The following TMEM107 variants were observed in gnomAD, a reference collection of about 807,000 sequenced individuals.
The protein encoded by TMEM107 is transmembrane protein 107.
A neutral mutation model predicts 16.8 loss-of-function variants in TMEM107; 18 were observed. That is an observed-to-expected ratio of 1.07 (90% CI 0.74 to 1.59). The LOEUF is 1.59. Among genes scored for constraint, TMEM107 ranks in the 40% most tolerant of loss-of-function variants. The pLI, the probability that TMEM107 is intolerant of heterozygous loss-of-function variation, is 0.00. For missense variants in TMEM107, 152 were observed against 175.4 expected, an observed-to-expected ratio of 0.87 and a Z score of 0.75; for synonymous variants, 68 against 71.6, an observed-to-expected ratio of 0.95 and a Z score of 0.25.
Position 8,172,884 on chromosome 17 carries a change from G to C in TMEM107, c.*1319C>G, listed in dbSNP as rs1043174809. Among the ~76,000 whole-genome samples, 9 of 131,718 alleles carry C rather than the reference G, an allele frequency of 6.8e-5. No homozygotes were observed. Among genetic ancestry groups the C allele is most frequent in the East Asian group, 2.0e-4 (1 of 4,958 alleles). The allele number at this position is 131,718 out of a possible 152,430, so 86.4% of individuals were successfully genotyped here. On this transcript the variant is annotated 3_prime_UTR_variant, in exon 5 of 5. Transcript: ENST00000437139. ...AAAAAAAAAAAAAAAAACCAAAAGAGGGGGGTGGTCAACATACCATATGCT... is the reference window on the plus strand; with the variant it reads ...AAAAAAAAAAAAAAAAACCAAAAGACGGGGGTGGTCAACATACCATATGCT...
rs56346215 is a variant in TMEM107, at chr17:8,173,599, A to C, written c.*604T>G. ...ATCCCACCTGACGATACAGACAAAC[A>C]GCCGACATTCTGCACTCAGTGAAAA... is the stretch of plus-strand genomic sequence containing the variant. On this transcript the variant is annotated 3_prime_UTR_variant, in exon 5 of 5. Coordinates refer to ENST00000437139, the MANE Select transcript of TMEM107 (RefSeq NM_183065.4). The C allele has an allele frequency of 0.18, 136,630 of 758,858 alleles. 14,484 individuals carry two copies. The highest frequency in any genetic ancestry group is 0.23 in the Non-Finnish European group (95,873 of 413,554). 47.0% of individuals were successfully genotyped at this position (758,858 alleles called of 1,614,324 possible). A position where few individuals can be genotyped will look rare whatever the true frequency, so the allele number is the denominator to read the frequency against.
rs1983742728 is a variant in TMEM107, at chr17:8,173,373, TATCCC to T, written c.*825_*829del. 1 of 667,758 alleles carries T rather than the reference TATCCC, an allele frequency of 1.5e-6. No homozygotes were observed. Among genetic ancestry groups the T allele is most frequent in the Admixed American group, 1.9e-5 (1 of 51,524 alleles). The allele number at this position is 667,758 out of a possible 1,614,324, so 41.4% of individuals were successfully genotyped here. A position where few individuals can be genotyped will look rare whatever the true frequency, so the allele number is the denominator to read the frequency against. On this transcript the variant is annotated 3_prime_UTR_variant, in exon 5 of 5. Transcript: ENST00000437139. ...CTGCAAAATAGACAAACAGCAAGGT[TATCCC>T]AGTCAGAACTTCATAGCTATGTTTG...
rs117057308 is a variant in TMEM107 at position 8,173,555 on chromosome 17, G to T, written c.*648C>A. 8 of 765,362 alleles carry T rather than the reference G, an allele frequency of 1.0e-5. No individual in the cohort carries two copies. Among genetic ancestry groups the T allele is most frequent in the Admixed American group, 5.1e-5 (3 of 59,018 alleles). 47.4% of individuals were successfully genotyped at this position (765,362 alleles called of 1,614,324 possible). On this transcript the variant is annotated 3_prime_UTR_variant, in exon 5 of 5. Transcript: ENST00000437139. ...ATCATGTTCTAATCTGCCCTCCGGA[G>T]GAGGAACAGGTAAGGATTATCCCAC...
chr17:8,175,794 T>C lies in TMEM107; in HGVS notation c.219A>G (p.Ser73=). 1 of 1,614,090 alleles carries C rather than the reference T, an allele frequency of 6.2e-7. No homozygotes were observed. Among genetic ancestry groups the C allele is most frequent in the South Asian group, 1.1e-5 (1 of 91,086 alleles). The change falls in exon 3 of 5, where the codon TCA becomes TCG. Residue 73 remains serine, a synonymous_variant. Coordinates refer to ENST00000437139, the MANE Select transcript of TMEM107 (RefSeq NM_183065.4). ...GGGTGCTGTTGAACATGGAGACTCC[T>C]GAGAGGAAACCGGCCAGCTCCACTG... ...LFAVELAGFL[S]GVSMFNSTQS...
chr17:8,173,359 A>G lies in TMEM107; in HGVS notation c.*844T>C, dbSNP rs1471833542. 2.9e-5 allele frequency: 18 copies of G among 616,452 alleles called. No homozygotes were observed. Among genetic ancestry groups the G allele is most frequent in the South Asian group, 6.0e-5 (3 of 50,392 alleles). 38.2% of individuals were successfully genotyped at this position (616,452 alleles called of 1,614,324 possible). A position where few individuals can be genotyped will look rare whatever the true frequency, so the allele number is the denominator to read the frequency against. On this transcript the variant is annotated 3_prime_UTR_variant, in exon 5 of 5. Transcript: ENST00000437139. ...CAGCAATAGCAAGACTGCAAAATAG[A>G]CAAACAGCAAGGTTATCCCAGTCAG...
rs1434097296 is a variant in TMEM107, at chr17:8,176,373, A to C, written c.-87T>G. Reference sequence around the variant, plus strand: ...AGTCTCCCCGCAAGCCGACAAATCTAGACGAACGCCTCCTTCCCGCCCGCT... The same window carrying C: ...AGTCTCCCCGCAAGCCGACAAATCTCGACGAACGCCTCCTTCCCGCCCGCT... On this transcript the variant is annotated 5_prime_UTR_variant, in exon 1 of 5. Coordinates refer to ENST00000437139, the MANE Select transcript of TMEM107 (RefSeq NM_183065.4). The C allele has an allele frequency of 9.2e-7, 1 of 1,089,874 alleles. No homozygotes were observed. The highest frequency in any genetic ancestry group is 1.6e-5 in the African/African-American group (1 of 63,180). 67.5% of individuals were successfully genotyped at this position (1,089,874 alleles called of 1,614,324 possible).
intron 1 of TMEM107, 64 bp downstream of exon 1, chr17:8,176,136 G>C: frequency 6.3e-7 from 1 of 1,599,934 alleles, no homozygotes; most frequent in South Asian, 1.1e-5. Context: ...GGAGGGGGCA[G>C]GGTAGGACTA....
intron 1 of TMEM107, 86 bp downstream of exon 1, chr17:8,176,114 G>A (rs771520664): frequency 1.2e-6 from 2 of 1,603,268 alleles, no homozygotes; most frequent in East Asian, 4.5e-5. Flanking sequence ...AACCCAAGAG[G>A]GTAAGACACT....
Position 8,172,726 on chromosome 17 carries a change from C to CT in TMEM107, c.*1476dup, listed in dbSNP as rs955036495. Reference sequence around the variant, plus strand: ...AACAACCAGGTGTGGTGGTGCTCACCTGTAGTCCCAGCTACTTGGGAGGCT... The same window carrying CT: ...AACAACCAGGTGTGGTGGTGCTCACCTTGTAGTCCCAGCTACTTGGGAGGCT... On this transcript the variant is annotated 3_prime_UTR_variant, in exon 5 of 5. Coordinates refer to ENST00000437139, the MANE Select transcript of TMEM107 (RefSeq NM_183065.4). Among the ~76,000 whole-genome samples, 1 of 151,780 alleles carries CT rather than the reference C, an allele frequency of 6.6e-6. No individual in the cohort carries two copies. Among genetic ancestry groups the CT allele is most frequent in the African/African-American group, 2.4e-5 (1 of 41,316 alleles).
chr17:8,172,458 T>C lies in TMEM107; in HGVS notation c.*1745A>G. 6.6e-6 allele frequency among the ~76,000 whole-genome samples: 1 copy of C among 151,878 alleles called. No homozygotes were observed. Among genetic ancestry groups the C allele is most frequent in the East Asian group, 1.9e-4 (1 of 5,180 alleles). Reference sequence around the variant, plus strand: ...CTGCAGGTACTCAATAAGTATTTATTGAATTAATGTAAGAAGGAACAACCA... The same window carrying C: ...CTGCAGGTACTCAATAAGTATTTATCGAATTAATGTAAGAAGGAACAACCA... On this transcript the variant is annotated 3_prime_UTR_variant, in exon 5 of 5. Coordinates refer to ENST00000437139, the MANE Select transcript of TMEM107 (RefSeq NM_183065.4).
rs563019939 is a variant in TMEM107, at chr17:8,173,542, T to G, written c.*661A>C. Reference sequence around the variant, plus strand: ...TGCATCTCCAATCATCATGTTCTAATCTGCCCTCCGGAGGAGGAACAGGTA... The same window carrying G: ...TGCATCTCCAATCATCATGTTCTAAGCTGCCCTCCGGAGGAGGAACAGGTA... On this transcript the variant is annotated 3_prime_UTR_variant, in exon 5 of 5. Coordinates refer to ENST00000437139, the MANE Select transcript of TMEM107 (RefSeq NM_183065.4). The G allele has an allele frequency of 1.8e-5, 14 of 765,314 alleles. No individual in the cohort carries two copies. Among genetic ancestry groups the G allele is most frequent in the South Asian group, 1.2e-4 (9 of 74,622 alleles). The allele number at this position is 765,314 out of a possible 1,614,324, so 47.4% of individuals were successfully genotyped here. A position where few individuals can be genotyped will look rare whatever the true frequency, so the allele number is the denominator to read the frequency against.
In TMEM107 at chr17:8,174,164, C is replaced by CCTA. The variant is rs1251746358; in HGVS notation, c.*38_*39insTAG. 1 of 1,592,990 alleles carries CCTA rather than the reference C, an allele frequency of 6.3e-7. No homozygotes were observed. ...CCAGGAATACGAAGCGGCCCTTGCC[C>CCTA]CTGTAGGCTTCGTCCTTAGGTTCCC... On this transcript the variant is annotated 3_prime_UTR_variant, in exon 5 of 5. Coordinates refer to ENST00000437139, the MANE Select transcript of TMEM107 (RefSeq NM_183065.4).
intron 4 of TMEM107, 48 bp downstream of exon 4, chr17:8,174,472 T>G (rs550095591): frequency 6.3e-7 from 1 of 1,580,624 alleles, no homozygotes; most frequent in South Asian, 1.1e-5. Context: ...CCTTCAGGTT[T>G]AGGGCCAACC....
At chr17:8,174,882 T>C (rs757765419) in intron 3 of TMEM107, 13 of 455,176 alleles carry the variant, frequency 2.9e-5, no homozygotes, top group Non-Finnish European at 5.2e-5. Flanking sequence ...GAGGTAAGAG[T>C]AGGCTCTCCT....
At position 8,173,501 on chromosome 17, in the gene TMEM107, C is replaced by A. The variant is rs750367625; in HGVS notation, c.*702G>T. On this transcript the variant is annotated 3_prime_UTR_variant, in exon 5 of 5. Coordinates refer to ENST00000437139, the MANE Select transcript of TMEM107 (RefSeq NM_183065.4). Reference sequence around the variant, plus strand: ...GTTGCAAGTCCTGATTACGCAGAGACGTTAATCACGTTTCATGCATCTCCA... The same window carrying A: ...GTTGCAAGTCCTGATTACGCAGAGAAGTTAATCACGTTTCATGCATCTCCA... The A allele has an allele frequency of 1.3e-6, 1 of 765,106 alleles. No individual in the cohort carries two copies. Among genetic ancestry groups the A allele is most frequent in the Non-Finnish European group, 2.4e-6 (1 of 418,002 alleles). The allele number at this position is 765,106 out of a possible 1,614,324, so 47.4% of individuals were successfully genotyped here. A position where few individuals can be genotyped will look rare whatever the true frequency, so the allele number is the denominator to read the frequency against.
chr17:8,176,115 GT>G (rs1379125601), intron 1 of TMEM107, 84 bp downstream of exon 1: 1 of 1,602,260 alleles, frequency 6.2e-7, no homozygotes, highest in East Asian at 2.2e-5. Context: ...ACCCAAGAGG[GT>G]AAGACACTGG....
chr17:8,174,853 G>A (rs75716195), intron 3 of TMEM107: 2 of 528,778 alleles, frequency 3.8e-6, no homozygotes, highest in Non-Finnish European at 6.8e-6. Context: ...CTGTGGGCCA[G>A]CCTGGATCCT....
At position 8,173,534 on chromosome 17, in the gene TMEM107, T is replaced by A. The variant is rs117573525; in HGVS notation, c.*669A>T. The A allele has an allele frequency of 2.9e-5, 22 of 765,428 alleles. No homozygotes were observed. The highest frequency in any genetic ancestry group is 1.9e-4 in the East Asian group (8 of 41,250). 47.4% of individuals were successfully genotyped at this position (765,428 alleles called of 1,614,324 possible). A position where few individuals can be genotyped will look rare whatever the true frequency, so the allele number is the denominator to read the frequency against. On this transcript the variant is annotated 3_prime_UTR_variant, in exon 5 of 5. Coordinates refer to ENST00000437139, the MANE Select transcript of TMEM107 (RefSeq NM_183065.4). ...ACGTTTCATGCATCTCCAATCATCA[T>A]GTTCTAATCTGCCCTCCGGAGGAGG...
intron 3 of TMEM107, 52 bp downstream of exon 3, chr17:8,175,705 A>G (rs1984071624): frequency 7.1e-7 from 1 of 1,414,848 alleles, no homozygotes; most frequent in Non-Finnish European, 1.0e-6. Context: ...GGCTGAAGGG[A>G]GTCCTGATAG....
Sources: allele counts gnomAD v4.1 joint callset (sites outside exome capture counted in the v4.1 genomes callset), GRCh38; gene constraint gnomAD v4.1.1; transcripts MANE v1.5; gene names NCBI Gene and HGNC (gene_info 2026-07-23, HGNC 2026-07-21).